PPP3CA: variants seen among roughly 807,000 people sequenced by gnomAD.
PPP3CA encodes the protein CAM-PRP catalytic subunit.
A neutral mutation model predicts 66.5 loss-of-function variants in PPP3CA; 14 were observed. The ratio of observed to expected loss-of-function variants is 0.21; its 90% confidence interval spans 0.14 to 0.33. PPP3CA has a LOEUF of 0.33. PPP3CA is among the 10% of genes least tolerant of loss of function. The probability of loss-of-function intolerance (pLI) is 1.00; values close to 1 mark genes in which losing one functional copy is unlikely to be tolerated. For synonymous variants in PPP3CA, 232 were observed against 226.2 expected, an observed-to-expected ratio of 1.03 and a Z score of -0.23; for missense variants, 317 against 639.5, an observed-to-expected ratio of 0.50 and a Z score of 5.44.
At chr4:101,051,330 T>C (rs79750984) in intron 10 of PPP3CA, among the ~76,000 whole-genome samples, 3,903 of 152,246 alleles carry the variant, frequency 0.026, 76 homozygotes, top group Middle Eastern at 0.051. Context: ...GATAAGTTAC[T>C]CTAAAAAGAA....
chr4:101,194,690 C>G (rs916892829), intron 2 of PPP3CA, among the ~76,000 whole-genome samples: 1 of 151,984 alleles, frequency 6.6e-6, no homozygotes, highest in Admixed American at 6.6e-5. Context: ...CCTCAGCCAT[C>G]GAAGTAGCTG....
chr4:101,283,126 T>C (rs2110280259), intron 1 of PPP3CA, among the ~76,000 whole-genome samples: 1 of 152,308 alleles, frequency 6.6e-6, no homozygotes, highest in East Asian at 1.9e-4. Flanking sequence ...CACAAATTAT[T>C]AGTATTACCA....
chr4:101,326,111 G>A (rs932943914), intron 1 of PPP3CA, among the ~76,000 whole-genome samples: 3 of 152,108 alleles, frequency 2.0e-5, no homozygotes, highest in Non-Finnish European at 4.4e-5. Flanking sequence ...ACGCCAGCAT[G>A]GGCGACAGAG....
intron 11 of PPP3CA, among the ~76,000 whole-genome samples, chr4:101,033,016 G>C (rs1410661816): frequency 6.6e-6 from 1 of 151,550 alleles, no homozygotes; most frequent in Non-Finnish European, 1.5e-5. Context: ...TTCTTACTCA[G>C]CATGACAATT....
chr4:101,091,351 T>C (rs1729931453), intron 6 of PPP3CA, among the ~76,000 whole-genome samples: 1 of 152,182 alleles, frequency 6.6e-6, no homozygotes, highest in South Asian at 2.1e-4. Flanking sequence ...AATTAATTAC[T>C]GAAAATAAAT....
chr4:101,032,815 A>T (rs1465005752), intron 11 of PPP3CA, among the ~76,000 whole-genome samples: 4 of 152,218 alleles, frequency 2.6e-5, no homozygotes, highest in Non-Finnish European at 5.9e-5. Flanking sequence ...ATTGAAAAAA[A>T]ATCTGATTTG....
At chr4:101,320,870 A>C (rs1056471013) in intron 1 of PPP3CA, among the ~76,000 whole-genome samples, 2 of 152,042 alleles carry the variant, frequency 1.3e-5, no homozygotes, top group African/African-American at 4.8e-5. Flanking sequence ...TTGTGAAAAG[A>C]TCTCAGGTAT....
chr4:101,276,430 T>C (rs970923449), intron 1 of PPP3CA, among the ~76,000 whole-genome samples: 2 of 152,170 alleles, frequency 1.3e-5, no homozygotes, highest in African/African-American at 4.8e-5. Flanking sequence ...TTTCTGAAAA[T>C]TAAACAGTTT....
At chr4:101,144,714 A>T (rs1722915769) in intron 2 of PPP3CA, among the ~76,000 whole-genome samples, 1 of 152,204 alleles carries the variant, frequency 6.6e-6, no homozygotes. Context: ...AATATAAATG[A>T]TCAACAAACA....
intron 10 of PPP3CA, among the ~76,000 whole-genome samples, chr4:101,048,022 C>T (rs1033246963): frequency 6.6e-6 from 1 of 152,020 alleles, no homozygotes; most frequent in African/African-American, 2.4e-5. Context: ...TTACATTGCT[C>T]CCTTGATTAA....
intron 1 of PPP3CA, among the ~76,000 whole-genome samples, chr4:101,225,282 T>A (rs1725746412): frequency 6.6e-6 from 1 of 151,772 alleles, no homozygotes; most frequent in South Asian, 2.1e-4. Flanking sequence ...TTAAATATGC[T>A]CACTTTTGTA....
At chr4:101,040,244 T>C (rs750545047) in intron 11 of PPP3CA, among the ~76,000 whole-genome samples, 2 of 152,188 alleles carry the variant, frequency 1.3e-5, no homozygotes, top group Non-Finnish European at 2.9e-5. Context: ...AATAGAGGAA[T>C]AAAATGTGAT....
intron 1 of PPP3CA, among the ~76,000 whole-genome samples, chr4:101,235,962 T>C (rs1339077164): frequency 6.6e-6 from 1 of 151,608 alleles, no homozygotes; most frequent in Non-Finnish European, 1.5e-5. Flanking sequence ...AAATGTCAAA[T>C]TCACCATGGC....
At chr4:101,287,745 G>C (rs1317057178) in intron 1 of PPP3CA, among the ~76,000 whole-genome samples, 1 of 149,938 alleles carries the variant, frequency 6.7e-6, no homozygotes, top group Non-Finnish European at 1.5e-5. Flanking sequence ...CAAAATAGTA[G>C]CTAGTGTTCT....
intron 1 of PPP3CA, among the ~76,000 whole-genome samples, chr4:101,262,039 TAAG>T (rs931099980): frequency 1.3e-5 from 2 of 152,120 alleles, no homozygotes; most frequent in African/African-American, 4.8e-5. Flanking sequence ...ATGATTTTTC[TAAG>T]AATTATTCAA....
At chr4:101,258,953 G>C (rs186875456) in intron 1 of PPP3CA, among the ~76,000 whole-genome samples, 6 of 152,264 alleles carry the variant, frequency 3.9e-5, no homozygotes, top group Admixed American at 3.9e-4. Context: ...CAGAAGACCT[G>C]GTTTCTGCTT....
chr4:101,225,675 T>A (rs1364842583), intron 1 of PPP3CA, among the ~76,000 whole-genome samples: 1 of 151,732 alleles, frequency 6.6e-6, no homozygotes, highest in African/African-American at 2.4e-5. Context: ...TAAGAGAAAT[T>A]TAAAATAGAA....
At chr4:101,035,986 T>C (rs1183833847) in intron 11 of PPP3CA, among the ~76,000 whole-genome samples, 1 of 152,232 alleles carries the variant, frequency 6.6e-6, no homozygotes, top group Admixed American at 6.5e-5. Flanking sequence ...CTTTCTAATA[T>C]GTAGGCCCCA....
At chr4:101,043,335 C>G (rs1418633555) in intron 10 of PPP3CA, among the ~76,000 whole-genome samples, 2 of 152,000 alleles carry the variant, frequency 1.3e-5, no homozygotes, top group African/African-American at 4.8e-5. Context: ...TTATGTAAAG[C>G]TGTGCTTCTT....
Sources: gnomAD v4.1 joint callset for allele counts (sites outside exome capture counted in the v4.1 genomes callset) on GRCh38, gnomAD v4.1.1 for gene constraint, MANE v1.5 for transcripts, NCBI Gene and HGNC (gene_info 2026-07-23, HGNC 2026-07-21) for gene names.